SGCD: variants seen among roughly 807,000 people sequenced by gnomAD.
SGCD encodes the protein delta-sarcoglycan.
A neutral mutation model predicts 36.6 loss-of-function variants in SGCD; 18 were observed. The observed-to-expected ratio is 0.49, with a 90% CI of 0.34 to 0.73. The LOEUF (loss-of-function observed/expected upper bound fraction) is 0.73, where lower values mean the gene tolerates loss of function less well. Ranked by LOEUF, SGCD falls within the 30% of genes least tolerant of loss-of-function variation. The pLI is 0.01. For missense variants in SGCD, 387 were observed against 346.7 expected (o/e 1.12, Z -0.92); for synonymous variants, 133 against 130.6 (o/e 1.02, Z -0.12).
chr5:156,173,905 A>G (rs1763401482), intron 3 of SGCD, among the ~76,000 whole-genome samples: 1 of 152,120 alleles, frequency 6.6e-6, no homozygotes, highest in Non-Finnish European at 1.5e-5. Flanking sequence ...TGCACCTGCA[A>G]TTACTAATTA....
chr5:156,758,252 G>T (rs372922723), intron 8 of SGCD, among the ~76,000 whole-genome samples: 4 of 152,128 alleles, frequency 2.6e-5, no homozygotes, highest in Non-Finnish European at 4.4e-5. Context: ...CAGAAATGCT[G>T]CTTGTGTTTT....
intron 3 of SGCD, among the ~76,000 whole-genome samples, chr5:156,258,964 G>C (rs906033582): frequency 6.6e-6 from 1 of 151,668 alleles, no homozygotes; most frequent in Non-Finnish European, 1.5e-5. Context: ...AGAGTAAAGG[G>C]GTTCTGACTA....
chr5:156,231,467 C>A (rs760446907), intron 3 of SGCD, among the ~76,000 whole-genome samples: 1 of 152,102 alleles, frequency 6.6e-6, no homozygotes, highest in African/African-American at 2.4e-5. Context: ...TCCTGGAAGG[C>A]GGAGGTTGCA....
chr5:155,957,150 A>C (rs1184114549), intron 1 of SGCD, among the ~76,000 whole-genome samples: 1 of 152,054 alleles, frequency 6.6e-6, no homozygotes, highest in Non-Finnish European at 1.5e-5. Flanking sequence ...GATGGAAAAG[A>C]GAGAGTCTTG....
At chr5:155,837,945 C>T in the SGCD span, among the ~76,000 whole-genome samples, 2 of 151,960 alleles carry the variant, frequency 1.3e-5, no homozygotes, top group African/African-American at 4.8e-5. Flanking sequence ...ATACTTCTGT[C>T]TCTTTTTAAA....
At chr5:155,881,472 C>T (rs1755884636) in intron 1 of SGCD, among the ~76,000 whole-genome samples, 2 of 152,106 alleles carry the variant, frequency 1.3e-5, no homozygotes, top group Admixed American at 6.5e-5. Flanking sequence ...TACTATATTG[C>T]TAAAAGATGC....
At chr5:155,909,298 T>G (rs1756584291) in intron 1 of SGCD, among the ~76,000 whole-genome samples, 1 of 152,126 alleles carries the variant, frequency 6.6e-6, no homozygotes, top group South Asian at 2.1e-4. Flanking sequence ...AAATAGTTGG[T>G]TTGCTTAATA....
intron 3 of SGCD, among the ~76,000 whole-genome samples, chr5:156,300,789 C>T (rs181395013): frequency 7.0e-4 from 107 of 152,090 alleles, no homozygotes; most frequent in Middle Eastern, 6.8e-3. Context: ...TATATCTGAG[C>T]GCTCCATTCT....
At chr5:156,342,356 C>G (rs935933069) in intron 2 of SGCD, among the ~76,000 whole-genome samples, 1 of 152,208 alleles carries the variant, frequency 6.6e-6, no homozygotes, top group African/African-American at 2.4e-5. Flanking sequence ...TTGTTCAAGA[C>G]CTTACCCTGC....
intron 3 of SGCD, among the ~76,000 whole-genome samples, chr5:156,272,955 G>A (rs188592505): frequency 7.2e-5 from 11 of 152,314 alleles, no homozygotes; most frequent in South Asian, 6.2e-4. Flanking sequence ...AAAGCCAAAC[G>A]CCTTTACTAT....
chr5:156,593,093 A>G (rs2113382437), intron 5 of SGCD, among the ~76,000 whole-genome samples: 1 of 152,298 alleles, frequency 6.6e-6, no homozygotes, highest in South Asian at 2.1e-4. Flanking sequence ...TTTCTATAAC[A>G]TAGATAGATA....
intron 7 of SGCD, among the ~76,000 whole-genome samples, chr5:156,688,691 G>T (rs1753998966): frequency 6.6e-6 from 1 of 152,174 alleles, no homozygotes; most frequent in African/African-American, 2.4e-5. Context: ...CCCAGGCAGG[G>T]CTGCCAGGCT....
the SGCD span, among the ~76,000 whole-genome samples, chr5:155,824,167 A>T: frequency 6.6e-6 from 1 of 152,206 alleles, no homozygotes; most frequent in African/African-American, 2.4e-5. Context: ...AAAAAGAATA[A>T]TGAATTATGT....
chr5:155,754,849 G>T, the SGCD span, among the ~76,000 whole-genome samples: 1 of 152,086 alleles, frequency 6.6e-6, no homozygotes, highest in Admixed American at 6.5e-5. Flanking sequence ...TTACACATTC[G>T]TAATTATTTC....
intron 6 of SGCD, among the ~76,000 whole-genome samples, chr5:156,621,490 C>A (rs541828298): frequency 1.3e-5 from 2 of 151,522 alleles, no homozygotes; most frequent in East Asian, 3.9e-4. Flanking sequence ...CATGTCCAGC[C>A]AAAAGACAGA....
intron 3 of SGCD, among the ~76,000 whole-genome samples, chr5:156,315,609 T>G (rs150545490): frequency 1.9e-3 from 296 of 152,042 alleles, no homozygotes; most frequent in African/African-American, 6.7e-3. Context: ...ATAGTTCTAT[T>G]TATATATTTT....
intron 1 of SGCD, among the ~76,000 whole-genome samples, chr5:155,993,088 T>C (rs1328398620): frequency 6.6e-6 from 1 of 152,162 alleles, no homozygotes; most frequent in Non-Finnish European, 1.5e-5. Flanking sequence ...CAGCCAATCC[T>C]AAGCCTGTTT....
intron 1 of SGCD, among the ~76,000 whole-genome samples, chr5:155,898,965 G>A (rs1756326676): frequency 6.6e-6 from 1 of 152,164 alleles, no homozygotes; most frequent in South Asian, 2.1e-4. Flanking sequence ...GGGCTTGCCT[G>A]GAGGAGAATC....
chr5:156,428,099 C>G (rs1773755276), intron 3 of SGCD, among the ~76,000 whole-genome samples: 1 of 152,110 alleles, frequency 6.6e-6, no homozygotes, highest in Non-Finnish European at 1.5e-5. Flanking sequence ...GGAATACTGT[C>G]AATAGGATTG....
Sources: allele counts gnomAD v4.1 joint callset (sites outside exome capture counted in the v4.1 genomes callset), GRCh38; gene constraint gnomAD v4.1.1; transcripts MANE v1.5; gene names NCBI Gene and HGNC (gene_info 2026-07-23, HGNC 2026-07-21).